The following PAIP2B variants were observed in gnomAD, a reference collection of about 807,000 sequenced individuals.
PAIP2B encodes the protein poly(A) binding protein interacting protein 2B.
Under a neutral mutation model 17.0 loss-of-function variants are expected in PAIP2B, and 13 were observed. That is an observed-to-expected ratio of 0.76 (90% CI 0.50 to 1.22). The LOEUF is 1.22. PAIP2B is among the 50% of genes most tolerant of loss of function. PAIP2B has a pLI of 0.00. For synonymous variants in PAIP2B, 43 were observed against 48.7 expected (o/e 0.88, Z 0.48); for missense variants, 117 against 144.5 (o/e 0.81, Z 0.98).
chr2:71,201,019 GTGTGTGTGTGT>G (rs1674971009), intron 2 of PAIP2B, among the ~76,000 whole-genome samples: 2 of 18,574 alleles, frequency 1.1e-4, no homozygotes, highest in African/African-American at 2.4e-4. Context: ...GTGTGTGTGT[GTGTGTGTGTGT>G]GTGTGTGTGT....
rs1572917446 is a variant in PAIP2B at position 71,187,380 on chromosome 2, C to A, written c.*1099G>T. 1.3e-5 allele frequency: 2 copies of A among 152,352 alleles called. No individual in the cohort carries two copies. The highest frequency in any genetic ancestry group is 1.3e-4 in the Admixed American group (2 of 15,298). 9.4% of individuals were successfully genotyped at this position (152,352 alleles called of 1,614,324 possible). ...ACAGTCACATGGGTCAAGCAGGACT[C>A]ACTTTCCTAGGCTGATTTTGAGTTC... On this transcript the variant is annotated 3_prime_UTR_variant, in exon 4 of 4. Coordinates refer to ENST00000244221, the MANE Select transcript of PAIP2B (RefSeq NM_020459.1).
At chr2:71,198,507 G>A (rs1169499450) in intron 2 of PAIP2B, among the ~76,000 whole-genome samples, 1 of 70,334 alleles carries the variant, frequency 1.4e-5, no homozygotes, top group African/African-American at 3.6e-5. Flanking sequence ...GGATGGTCTC[G>A]ATCTCCTGAC....
intron 1 of PAIP2B, among the ~76,000 whole-genome samples, chr2:71,206,961 G>A (rs1675147240): frequency 6.6e-6 from 1 of 152,094 alleles, no homozygotes; most frequent in African/African-American, 2.4e-5. Flanking sequence ...TTCGGGTTTT[G>A]CTTTCTCTCA....
intron 1 of PAIP2B, among the ~76,000 whole-genome samples, chr2:71,214,712 C>T (rs1010271620): frequency 1.3e-5 from 2 of 152,114 alleles, no homozygotes; most frequent in South Asian, 2.1e-4. Flanking sequence ...ATTAATGTAT[C>T]GGGTGACTAA....
At chr2:71,191,578 C>G (rs1317822636) in intron 2 of PAIP2B, among the ~76,000 whole-genome samples, 1 of 152,206 alleles carries the variant, frequency 6.6e-6, no homozygotes, top group African/African-American at 2.4e-5. Flanking sequence ...CCCAGAGCAC[C>G]AGGCTGTTCA....
chr2:71,217,352 A>T (rs1675455058), intron 1 of PAIP2B, among the ~76,000 whole-genome samples: 1 of 152,188 alleles, frequency 6.6e-6, no homozygotes, highest in Middle Eastern at 3.2e-3. Context: ...CATGTTGGTC[A>T]GGCTGGTCTC....
At chr2:71,214,923 A>G (rs2103814217) in intron 1 of PAIP2B, among the ~76,000 whole-genome samples, 1 of 152,316 alleles carries the variant, frequency 6.6e-6, no homozygotes, top group Non-Finnish European at 1.5e-5. Context: ...AAACCAGGAG[A>G]TTTTAAAAAA....
intron 2 of PAIP2B, among the ~76,000 whole-genome samples, chr2:71,193,113 T>C (rs1214300071): frequency 6.6e-6 from 1 of 152,140 alleles, no homozygotes; most frequent in Non-Finnish European, 1.5e-5. Flanking sequence ...TCTTTTTTTT[T>C]ACTTTTTAGT....
At chr2:71,207,976 G>T (rs1038065760) in intron 1 of PAIP2B, among the ~76,000 whole-genome samples, 2 of 152,178 alleles carry the variant, frequency 1.3e-5, no homozygotes, top group Non-Finnish European at 2.9e-5. Flanking sequence ...ACCAAGAATA[G>T]GAGAAGTCTG....
intron 2 of PAIP2B, among the ~76,000 whole-genome samples, chr2:71,193,898 A>G (rs1348038586): frequency 6.6e-6 from 1 of 151,998 alleles, no homozygotes; most frequent in Non-Finnish European, 1.5e-5. Context: ...TTATTTTTGT[A>G]TATGGTGTAA....
intron 2 of PAIP2B, among the ~76,000 whole-genome samples, chr2:71,190,990 C>T (rs934939095): frequency 6.6e-5 from 10 of 152,142 alleles, no homozygotes; most frequent in African/African-American, 2.2e-4. Context: ...AAACATTGCC[C>T]TAAACTAAAG....
At chr2:71,226,715 G>A (rs537110043) in intron 1 of PAIP2B, among the ~76,000 whole-genome samples, 1 of 152,292 alleles carries the variant, frequency 6.6e-6, no homozygotes, top group East Asian at 1.9e-4. Flanking sequence ...TGCTCCCGAG[G>A]GGCAGGGGCT....
In PAIP2B at chr2:71,209,148, G is replaced by A. The variant is rs369181288; in HGVS notation, c.-11-6548C>T. 3.9e-5 allele frequency among the ~76,000 whole-genome samples: 6 copies of A among 152,078 alleles called. No homozygotes were observed. The South Asian group carries it at 6.2e-4, about 16-fold the overall frequency. On this transcript the variant is annotated intron_variant, in intron 1 of 3. Transcript: ENST00000244221. Reference sequence around the variant, plus strand: ...TGACCTTAATGAGAGCGGTTTCCACGGAAAAAATGAGAATGAAAGCCAAAT... The same window carrying A: ...TGACCTTAATGAGAGCGGTTTCCACAGAAAAAATGAGAATGAAAGCCAAAT...
chr2:71,198,410 C>T (rs989151700), intron 2 of PAIP2B, among the ~76,000 whole-genome samples: 4 of 151,854 alleles, frequency 2.6e-5, no homozygotes, highest in African/African-American at 4.8e-5. Context: ...CTCAGCCTCC[C>T]GAGTAGCTGG....
At chr2:71,193,159 T>C (rs1476399932) in intron 2 of PAIP2B, among the ~76,000 whole-genome samples, 2 of 152,238 alleles carry the variant, frequency 1.3e-5, no homozygotes, top group Non-Finnish European at 2.9e-5. Context: ...TTGTATCTCA[T>C]GGTGGTTTTG....
Position 71,187,977 on chromosome 2 carries a change from AC to A in PAIP2B, c.*501del. 6.4e-6 allele frequency: 1 copy of A among 156,096 alleles called. No individual in the cohort carries two copies. Among genetic ancestry groups the A allele is most frequent in the Non-Finnish European group, 1.4e-5 (1 of 70,126 alleles). 9.7% of individuals were successfully genotyped at this position (156,096 alleles called of 1,614,324 possible). A position where few individuals can be genotyped will look rare whatever the true frequency, so the allele number is the denominator to read the frequency against. On this transcript the variant is annotated 3_prime_UTR_variant, in exon 4 of 4. Coordinates refer to ENST00000244221, the MANE Select transcript of PAIP2B (RefSeq NM_020459.1). ...TGGTTATCCGAGTTCATTGCAGGAG[AC>A]CCCGGGGGTGGGGCAGCTGAGCCTC... is the stretch of plus-strand genomic sequence containing the variant.
chr2:71,186,351 C>T lies in PAIP2B; in HGVS notation c.*2128G>A, dbSNP rs1281475705. 6.6e-6 allele frequency: 1 copy of T among 152,246 alleles called. No individual in the cohort carries two copies. Among genetic ancestry groups the T allele is most frequent in the Non-Finnish European group, 1.5e-5 (1 of 68,050 alleles). The allele number at this position is 152,246 out of a possible 1,614,324, so 9.4% of individuals were successfully genotyped here. A position where few individuals can be genotyped will look rare whatever the true frequency, so the allele number is the denominator to read the frequency against. On this transcript the variant is annotated 3_prime_UTR_variant, in exon 4 of 4. Transcript: ENST00000244221. ...TAAAAAAGAATCAATTTGCTAGCTGCTTCCTATACCTGGAGTCAGTATGTT... is the reference window on the plus strand; with the variant it reads ...TAAAAAAGAATCAATTTGCTAGCTGTTTCCTATACCTGGAGTCAGTATGTT...
intron 1 of PAIP2B, among the ~76,000 whole-genome samples, chr2:71,226,683 G>A (rs776341643): frequency 6.6e-6 from 1 of 152,096 alleles, no homozygotes; most frequent in Admixed American, 6.5e-5. Context: ...GTGCGGGGGG[G>A]AAAGGGACGA....
intron 2 of PAIP2B, among the ~76,000 whole-genome samples, chr2:71,191,035 A>G (rs1674674753): frequency 6.6e-6 from 1 of 152,214 alleles, no homozygotes; most frequent in African/African-American, 2.4e-5. Flanking sequence ...ACTGCTTTGC[A>G]GACATTGTTA....
Sources: allele counts gnomAD v4.1 joint callset (sites outside exome capture counted in the v4.1 genomes callset), GRCh38; gene constraint gnomAD v4.1.1; transcripts MANE v1.5; gene names NCBI Gene and HGNC (gene_info 2026-07-23, HGNC 2026-07-21).